IL18RAP: variants seen among roughly 807,000 people sequenced by gnomAD.
The protein encoded by IL18RAP is interleukin-18 receptor accessory protein.
A neutral mutation model predicts 58.1 loss-of-function variants in IL18RAP; 37 were observed. The ratio of observed to expected loss-of-function variants is 0.64; its 90% CI spans 0.49 to 0.84. The LOEUF (loss-of-function observed/expected upper bound fraction) is 0.84. IL18RAP is among the 40% of genes least tolerant of loss of function. The pLI, the probability that IL18RAP is intolerant of heterozygous loss-of-function variation, is 0.00. For synonymous variants in IL18RAP, 268 were observed against 257.5 expected, an observed-to-expected ratio of 1.04 and a Z score of -0.39; for missense variants, 667 against 704.8, an observed-to-expected ratio of 0.95 and a Z score of 0.61.
chr2:102,445,367 CAT>C, intron 7 of IL18RAP, 27 bp downstream of exon 7: 2 of 1,608,060 alleles, frequency 1.2e-6, no homozygotes, highest in Non-Finnish European at 1.7e-6. Context: ...GCCCAGGAGG[CAT>C]GAAACTGCTT....
rs956143465 is a variant in IL18RAP, at chr2:102,436,580, C to A, written c.580-632C>A. On this transcript the variant is annotated intron_variant, in intron 3 of 9. Transcript: ENST00000687160. ...ATCCCAGCTTCTACTAGTAGGCAGGCAAAGTGGAAGGGAAATTCCTCAATC... is the reference window on the plus strand; with the variant it reads ...ATCCCAGCTTCTACTAGTAGGCAGGAAAAGTGGAAGGGAAATTCCTCAATC... 1.3e-4 allele frequency among the ~76,000 whole-genome samples: 20 copies of A among 151,490 alleles called. 1 individual carries two copies. Among genetic ancestry groups the A allele is most frequent in the Non-Finnish European group, 2.4e-4 (16 of 67,926 alleles).
At chr2:102,440,351 A>C (rs1683024904) in intron 4 of IL18RAP, 3 of 152,288 alleles carry the variant, frequency 2.0e-5, no homozygotes, top group African/African-American at 7.2e-5. Flanking sequence ...GAGGTAAAGT[A>C]GACGAAAAAT....
intron 8 of IL18RAP, among the ~76,000 whole-genome samples, chr2:102,450,505 C>A (rs1004132558): frequency 6.6e-6 from 1 of 152,130 alleles, no homozygotes. Context: ...ATGGGGCAGA[C>A]TCCTGCTTGA....
At position 102,447,077 on chromosome 2, in the gene IL18RAP, C is replaced by G. The variant is rs1346079765; in HGVS notation, c.1080C>G (p.Leu360=). The change falls in exon 8 of 10, where the codon CTC becomes CTG. Residue 360 remains leucine, a synonymous_variant. Coordinates refer to ENST00000687160, the MANE Select transcript of IL18RAP (RefSeq NM_001393487.1). ...CTGGCCCTGTCTCCACAGTGGTGCT[C>G]CTGTACATCCTGCTTGGCACCATCG... The part of the protein sequence containing the change: ...VQLKEKRGVV[L]LYILLGTIGT... The G allele has an allele frequency of 6.2e-7, 1 of 1,613,906 alleles. No individual in the cohort carries two copies. Among genetic ancestry groups the G allele is most frequent in the Admixed American group, 1.7e-5 (1 of 60,016 alleles).
intron 3 of IL18RAP, among the ~76,000 whole-genome samples, chr2:102,429,769 T>C (rs1682214330): frequency 6.6e-6 from 1 of 152,054 alleles, no homozygotes; most frequent in South Asian, 2.1e-4. Flanking sequence ...CACTGTGTTT[T>C]AACTTGTTTG....
intron 3 of IL18RAP, among the ~76,000 whole-genome samples, chr2:102,432,660 C>A (rs1682458664): frequency 1.3e-5 from 2 of 152,298 alleles, no homozygotes; most frequent in Middle Eastern, 3.4e-3. Context: ...GGTTGCCACG[C>A]ACCTTCTGGA....
intron 4 of IL18RAP, chr2:102,440,183 C>T (rs1456573471): frequency 6.6e-6 from 1 of 152,402 alleles, no homozygotes; most frequent in Non-Finnish European, 1.5e-5. Context: ...TGAAAGAACA[C>T]TAGGAGAGGA....
intron 3 of IL18RAP, among the ~76,000 whole-genome samples, chr2:102,428,152 C>A (rs549913349): frequency 4.0e-5 from 6 of 151,668 alleles, no homozygotes; most frequent in African/African-American, 1.4e-4. Context: ...TAGCTTTGTT[C>A]TTTTTGCTCA....
chr2:102,438,649 C>G (rs929620560), intron 4 of IL18RAP: 4 of 152,346 alleles, frequency 2.6e-5, no homozygotes, highest in South Asian at 2.1e-4. Context: ...CTTGCAACAT[C>G]TGTTGCATCT....
intron 5 of IL18RAP, 21 bp from the exon 6 acceptor site, chr2:102,443,179 C>A (rs746361292): frequency 1.9e-6 from 3 of 1,603,594 alleles, no homozygotes; most frequent in Non-Finnish European, 1.7e-6. Flanking sequence ...TTCTTGTTTT[C>A]TCTGGCCTCT....
chr2:102,422,068 A>T (rs1328807051), upstream of IL18RAP, among the ~76,000 whole-genome samples: 1 of 152,148 alleles, frequency 6.6e-6, no homozygotes, highest in Non-Finnish European at 1.5e-5. Flanking sequence ...AGACTCTAGC[A>T]GGCGTGGTTC....
intron 3 of IL18RAP, among the ~76,000 whole-genome samples, chr2:102,425,135 A>G (rs1681853988): frequency 6.6e-6 from 1 of 152,242 alleles, no homozygotes. Context: ...ATCCAGGAAT[A>G]GAATCTAAAT....
chr2:102,430,791 A>T (rs574889348), intron 3 of IL18RAP, among the ~76,000 whole-genome samples: 23 of 152,278 alleles, frequency 1.5e-4, no homozygotes, highest in Admixed American at 1.3e-3. Context: ...AGCTAATAAC[A>T]ACTTAACTTT....
chr2:102,422,231 C>T (rs1190106264), upstream of IL18RAP, among the ~76,000 whole-genome samples: 2 of 152,230 alleles, frequency 1.3e-5, no homozygotes, highest in African/African-American at 4.8e-5. Context: ...TCCTCTGCAG[C>T]TTCTGAAACT....
At chr2:102,451,080 CAA>C (rs1269691186) in intron 9 of IL18RAP, 59 bp downstream of exon 9, 22 of 1,368,568 alleles carry the variant, frequency 1.6e-5, no homozygotes, top group Non-Finnish European at 2.2e-5. Context: ...ATGCAATCCC[CAA>C]GTCTTTTTTG....
At chr2:102,445,584 T>G (rs1382803822) in intron 7 of IL18RAP, among the ~76,000 whole-genome samples, 1 of 152,242 alleles carries the variant, frequency 6.6e-6, no homozygotes, top group African/African-American at 2.4e-5. Flanking sequence ...GAGGCCATGT[T>G]GGAAAAGCAA....
At chr2:102,437,607 T>C (rs1682838035) in intron 4 of IL18RAP, among the ~76,000 whole-genome samples, 1 of 152,226 alleles carries the variant, frequency 6.6e-6, no homozygotes, top group South Asian at 2.1e-4. Context: ...GCTTTTGTAA[T>C]AAATTTAAAA....
At position 102,423,295 on chromosome 2, in the gene IL18RAP, G is replaced by T. The variant is rs1434574501; in HGVS notation, c.18G>T (p.Trp6Cys). The T allele has an allele frequency of 6.2e-7, 1 of 1,614,050 alleles. No individual in the cohort carries two copies. The highest frequency in any genetic ancestry group is 1.1e-5 in the South Asian group (1 of 91,084). ...GGAGAACAATGCTCTGTTTGGGCTG[G>T]ATATTTCTTTGGCTTGTTGCAGGAG... The part of the protein sequence containing the change: MLCLG[W>C]IFLWLVAGER... The change falls in exon 1 of 10, where the codon TGG (tryptophan) becomes TGT (cysteine). Residue 6 changes from tryptophan (W) to cysteine (C), a missense_variant. Trp to Cys is a radical substitution (Grantham distance 215). Coordinates refer to ENST00000687160, the MANE Select transcript of IL18RAP (RefSeq NM_001393487.1).
At chr2:102,446,658 G>A (rs947877354) in intron 7 of IL18RAP, among the ~76,000 whole-genome samples, 18 of 152,098 alleles carry the variant, frequency 1.2e-4, no homozygotes, top group Admixed American at 2.6e-4. Context: ...AAAATTAGCC[G>A]GGCGTGGTGG....
Sources: allele counts gnomAD v4.1 joint callset (sites outside exome capture counted in the v4.1 genomes callset), GRCh38; gene constraint gnomAD v4.1.1; transcripts MANE v1.5; gene names NCBI Gene and HGNC (gene_info 2026-07-23, HGNC 2026-07-21).